ADCYAP1R1: variants seen among roughly 807,000 people sequenced by gnomAD.
ADCYAP1R1 encodes the protein pituitary adenylate cyclase-activating polypeptide type I receptor.
A neutral mutation model predicts 67.6 loss-of-function variants in ADCYAP1R1; 44 were observed. The observed-to-expected ratio is 0.65, with a 90% CI of 0.51 to 0.84. The LOEUF (loss-of-function observed/expected upper bound fraction) is 0.84, where lower values mean the gene tolerates loss of function less well. Among genes scored for constraint, ADCYAP1R1 ranks in the 40% least tolerant of loss-of-function variants. The pLI, the probability that ADCYAP1R1 is intolerant of heterozygous loss-of-function variation, is 0.00. For missense variants in ADCYAP1R1, 477 were observed against 587.9 expected (o/e 0.81, Z 1.95); for synonymous variants, 222 against 219.6 (o/e 1.01, Z -0.10).
intron 11 of ADCYAP1R1, 22 bp from the exon 12 acceptor site, chr7:31,087,605 C>T (rs1360910405): frequency 6.2e-7 from 1 of 1,612,590 alleles, no homozygotes; most frequent in South Asian, 1.1e-5. Flanking sequence ...CGTGATCTTG[C>T]TTCTCTCTGT....
Position 31,104,809 on chromosome 7 carries a change from A to C in ADCYAP1R1, c.1177-59A>C. 12 of 1,589,434 alleles carry C rather than the reference A, an allele frequency of 7.5e-6. No homozygotes were observed. The South Asian group carries it at 8.8e-5, about 12-fold the overall frequency. On this transcript the variant is annotated intron_variant, in intron 14 of 15. Transcript: ENST00000304166. ...CCTAGAGTCATCCCCTCCATGCCCC[A>C]CACAGCATTTCAGAAAGTCCTTTGC...
intron 13 of ADCYAP1R1, among the ~76,000 whole-genome samples, chr7:31,101,515 G>A (rs1464903099): frequency 6.6e-6 from 1 of 152,114 alleles, no homozygotes; most frequent in Non-Finnish European, 1.5e-5. Flanking sequence ...CCTATAGGTA[G>A]GGCCACAGAG....
chr7:31,092,802 A>G, intron 13 of ADCYAP1R1, 67 bp downstream of exon 13: 2 of 1,222,304 alleles, frequency 1.6e-6, no homozygotes, highest in Non-Finnish European at 2.4e-6. Context: ...TTCAGGTCAC[A>G]GCAGAAGGCG....
At chr7:31,085,594 G>A in intron 9 of ADCYAP1R1, 152 bp downstream of exon 9, 1 of 878,332 alleles carries the variant, frequency 1.1e-6, no homozygotes, top group Non-Finnish European at 1.7e-6. Context: ...CGGTTTATGT[G>A]AAAACTCACG....
intron 3 of ADCYAP1R1, among the ~76,000 whole-genome samples, chr7:31,073,570 C>T (rs1368353493): frequency 6.6e-6 from 1 of 152,142 alleles, no homozygotes; most frequent in African/African-American, 2.4e-5. Context: ...TCCCATCCTC[C>T]CAAGCTCCAG....
chr7:31,108,401 T>C lies in ADCYAP1R1; in HGVS notation c.*1717T>C, dbSNP rs957868551. 5.3e-5 allele frequency: 8 copies of C among 152,218 alleles called. No homozygotes were observed. Among genetic ancestry groups the C allele is most frequent in the Non-Finnish European group, 1.0e-4 (7 of 68,044 alleles). 9.4% of individuals were successfully genotyped at this position (152,218 alleles called of 1,614,324 possible). A position where few individuals can be genotyped will look rare whatever the true frequency, so the allele number is the denominator to read the frequency against. On this transcript the variant is annotated 3_prime_UTR_variant, in exon 16 of 16. Coordinates refer to ENST00000304166, the MANE Select transcript of ADCYAP1R1 (RefSeq NM_001118.5). The stretch of plus-strand genomic sequence containing the variant: ...ATCTTGGAGTGTGCAGTGGCCCTTC[T>C]ACCCTGCACCTGACCTCATGATCCC...
In ADCYAP1R1 at chr7:31,064,703, C is replaced by G. The variant is rs987491058; in HGVS notation, c.52-128C>G. 3 of 718,516 alleles carry G rather than the reference C, an allele frequency of 4.2e-6. No individual in the cohort carries two copies. The African/African-American group carries it at 5.4e-5, about 13-fold the overall frequency. The allele number at this position is 718,516 out of a possible 1,614,324, so 44.5% of individuals were successfully genotyped here. A position where few individuals can be genotyped will look rare whatever the true frequency, so the allele number is the denominator to read the frequency against. ...TCAGGGCCCCTGCTGGCCCTGACAT[C>G]TCTTGTCACCCTCCTCTCTGCTTCT... On this transcript the variant is annotated intron_variant, in intron 2 of 15. Transcript: ENST00000304166.
At chr7:31,103,979 A>C (rs1422777548) in intron 14 of ADCYAP1R1, among the ~76,000 whole-genome samples, 1 of 152,190 alleles carries the variant, frequency 6.6e-6, no homozygotes, top group Admixed American at 6.5e-5. Flanking sequence ...CTGGGGATAG[A>C]GCGCCTCTCC....
intron 5 of ADCYAP1R1, 29 bp downstream of exon 5, chr7:31,080,662 G>T (rs780681068): frequency 6.2e-7 from 1 of 1,611,448 alleles, no homozygotes. Context: ...AGGATAGACC[G>T]CTGTCTTTCT....
rs1795703122 is a variant in ADCYAP1R1, at chr7:31,085,475, G to C, written c.669+33G>C. 4 of 1,602,618 alleles carry C rather than the reference G, an allele frequency of 2.5e-6. No homozygotes were observed. The South Asian group carries it at 3.3e-5, about 13-fold the overall frequency. On this transcript the variant is annotated intron_variant, in intron 9 of 15. Transcript: ENST00000304166. ...AGCCAAGCAGACCCATTAGGGCTCT[G>C]CCGGGAAGGTCCCGCACCATCCCCT...
Position 31,064,946 on chromosome 7 carries a change from G to A in ADCYAP1R1, c.157+10G>A, listed in dbSNP as rs938998986. On this transcript the variant is annotated intron_variant, in intron 3 of 15. Transcript: ENST00000304166. Reference sequence around the variant, plus strand: ...AATGATTCCTCTCCAGGTGAGCGGGGCGGCAGGGAGCATGCCACGTCCCCA... The same window carrying A: ...AATGATTCCTCTCCAGGTGAGCGGGACGGCAGGGAGCATGCCACGTCCCCA... The A allele has an allele frequency of 1.4e-5, 22 of 1,592,532 alleles. No homozygotes were observed. Among genetic ancestry groups the A allele is most frequent in the Non-Finnish European group, 1.9e-5 (22 of 1,166,670 alleles).
Position 31,084,680 on chromosome 7 carries a change from A to G in ADCYAP1R1, c.439-57A>G. The G allele has an allele frequency of 4.8e-6, 7 of 1,458,948 alleles. No homozygotes were observed. The South Asian group carries it at 6.8e-5, about 14-fold the overall frequency. The allele number at this position is 1,458,948 out of a possible 1,614,324, so 90.4% of individuals were successfully genotyped here. A position where few individuals can be genotyped will look rare whatever the true frequency, so the allele number is the denominator to read the frequency against. On this transcript the variant is annotated intron_variant, in intron 7 of 15. Coordinates refer to ENST00000304166, the MANE Select transcript of ADCYAP1R1 (RefSeq NM_001118.5). The stretch of plus-strand genomic sequence containing the variant: ...GGGAGACTGGGTGCAGGCCTGAGGC[A>G]GCCTGGCTGTGGGCAGGTCTCACAT...
chr7:31,079,901 G>A (rs866442552), intron 4 of ADCYAP1R1, among the ~76,000 whole-genome samples: 1 of 152,218 alleles, frequency 6.6e-6, no homozygotes, highest in Non-Finnish European at 1.5e-5. Flanking sequence ...CAGTGGGACT[G>A]GGGGGCAGTC....
chr7:31,086,661 T>C lies in ADCYAP1R1; in HGVS notation c.823+124T>C. 8.5e-7 allele frequency: 1 copy of C among 1,174,122 alleles called. No individual in the cohort carries two copies. The highest frequency in any genetic ancestry group is 1.2e-6 in the Non-Finnish European group (1 of 828,384). The allele number at this position is 1,174,122 out of a possible 1,614,324, so 72.7% of individuals were successfully genotyped here. A position where few individuals can be genotyped will look rare whatever the true frequency, so the allele number is the denominator to read the frequency against. ...GGGCCACTGCCCTGCCCGAGTCTAA[T>C]GGCCTAGGCTCTGTCTTGGACTCTT... On this transcript the variant is annotated intron_variant, in intron 10 of 15. Transcript: ENST00000304166. The surrounding 1 kb of genome is among the most constrained non-coding windows in gnomAD (Gnocchi z 5.0).
At chr7:31,080,074 G>C (rs1399171910) in intron 4 of ADCYAP1R1, among the ~76,000 whole-genome samples, 1 of 152,168 alleles carries the variant, frequency 6.6e-6, no homozygotes. Flanking sequence ...GCCAGACTCC[G>C]TCTTCTCAAC....
intron 8 of ADCYAP1R1, 123 bp from the exon 9 acceptor site, chr7:31,085,187 G>A (rs914612954): frequency 9.0e-6 from 12 of 1,337,554 alleles, no homozygotes; most frequent in Middle Eastern, 2.6e-4. Context: ...AGGAAGGAGG[G>A]TGGCCTGGGT....
At chr7:31,059,525 A>G (rs1322088725) in intron 1 of ADCYAP1R1, among the ~76,000 whole-genome samples, 4 of 152,250 alleles carry the variant, frequency 2.6e-5, no homozygotes, top group Admixed American at 6.5e-5. Flanking sequence ...GCTGAAATCC[A>G]TCCTCAGGGA....
At chr7:31,065,491 T>C (rs544185190) in intron 3 of ADCYAP1R1, among the ~76,000 whole-genome samples, 2 of 152,336 alleles carry the variant, frequency 1.3e-5, no homozygotes, top group African/African-American at 4.8e-5. Context: ...TTGCAGGACA[T>C]TGAGCGTTCT....
intron 1 of ADCYAP1R1, among the ~76,000 whole-genome samples, chr7:31,056,445 T>G (rs545286235): frequency 1.1e-4 from 17 of 152,280 alleles, no homozygotes; most frequent in Non-Finnish European, 2.2e-4. Flanking sequence ...ATCTAAGGCC[T>G]GTGGACTTGT....
Sources: gnomAD v4.1 joint callset for allele counts (sites outside exome capture counted in the v4.1 genomes callset) on GRCh38, gnomAD v4.1.1 for gene constraint, Gnocchi (gnomAD v3.1) non-coding constraint, MANE v1.5 for transcripts, NCBI Gene and HGNC (gene_info 2026-07-23, HGNC 2026-07-21) for gene names.